CCDC102B: variants seen among roughly 807,000 people sequenced by gnomAD.
CCDC102B encodes the protein coiled-coil domain-containing protein 102B.
In CCDC102B, 75 loss-of-function variants were observed where a neutral mutation model predicts 57.4. The ratio of observed to expected loss-of-function variants is 1.31; its 90% CI spans 1.08 to 1.58. CCDC102B has a LOEUF of 1.58. Among genes scored for constraint, CCDC102B ranks in the 40% most tolerant of loss-of-function variants. The pLI, the probability that CCDC102B is intolerant of heterozygous loss-of-function variation, is 0.00. For synonymous variants in CCDC102B, 206 were observed against 201.9 expected (o/e 1.02, Z -0.17); for missense variants, 636 against 582.6 (o/e 1.09, Z -0.94).
intron 2 of CCDC102B, among the ~76,000 whole-genome samples, chr18:68,763,566 C>T (rs1167338217): frequency 1.3e-5 from 2 of 151,956 alleles, no homozygotes; most frequent in African/African-American, 4.8e-5. Flanking sequence ...CTGTGATATG[C>T]CAATGCAGAG....
At chr18:68,929,255 T>C (rs1451669161) in intron 6 of CCDC102B, among the ~76,000 whole-genome samples, 2 of 151,972 alleles carry the variant, frequency 1.3e-5, no homozygotes, top group South Asian at 2.1e-4. Context: ...AGCAGGGGTG[T>C]TGAAGTCAGT....
At chr18:68,741,977 G>A (rs959505698) in intron 2 of CCDC102B, among the ~76,000 whole-genome samples, 1 of 152,138 alleles carries the variant, frequency 6.6e-6, no homozygotes, top group Non-Finnish European at 1.5e-5. Context: ...AGACGTGAGG[G>A]TTCAAACCTG....
chr18:68,888,093 A>G (rs1186282096), intron 5 of CCDC102B, among the ~76,000 whole-genome samples: 2 of 152,222 alleles, frequency 1.3e-5, no homozygotes. Context: ...ACCTTAAAAG[A>G]TAAAAGATAG....
intron 2 of CCDC102B, among the ~76,000 whole-genome samples, chr18:68,768,554 G>C (rs1419857258): frequency 6.6e-6 from 1 of 152,000 alleles, no homozygotes; most frequent in Admixed American, 6.6e-5. Context: ...AAATTATTTA[G>C]CATGTAACTA....
intron 1 of CCDC102B, among the ~76,000 whole-genome samples, chr18:68,815,511 T>G (rs2036438221): frequency 6.6e-6 from 1 of 152,192 alleles, no homozygotes; most frequent in South Asian, 2.1e-4. Context: ...GCTTATAGAC[T>G]GGCATGGAAA....
chr18:68,849,650 A>G (rs558246362), intron 4 of CCDC102B, among the ~76,000 whole-genome samples: 55 of 152,234 alleles, frequency 3.6e-4, no homozygotes, highest in African/African-American at 1.3e-3. Context: ...TCTGTTACTC[A>G]GTGGATAGCT....
At chr18:68,848,800 A>C (rs1457021658) in intron 4 of CCDC102B, among the ~76,000 whole-genome samples, 1 of 152,068 alleles carries the variant, frequency 6.6e-6, no homozygotes, top group Non-Finnish European at 1.5e-5. Context: ...TTGATTACTC[A>C]TAATTCTGGC....
chr18:68,896,619 T>G (rs2040250611), intron 5 of CCDC102B, among the ~76,000 whole-genome samples: 1 of 152,042 alleles, frequency 6.6e-6, no homozygotes, highest in Non-Finnish European at 1.5e-5. Flanking sequence ...ATTTGTGGTA[T>G]AGTTTGAATT....
intron 6 of CCDC102B, among the ~76,000 whole-genome samples, chr18:68,964,564 G>T (rs765936357): frequency 6.6e-6 from 1 of 151,692 alleles, no homozygotes; most frequent in Non-Finnish European, 1.5e-5. Flanking sequence ...AATTAATATA[G>T]CTAACTCAAG....
At chr18:68,731,540 A>G (rs2032862792) in intron 2 of CCDC102B, among the ~76,000 whole-genome samples, 1 of 152,030 alleles carries the variant, frequency 6.6e-6, no homozygotes, top group South Asian at 2.1e-4. Context: ...CTACATTTGC[A>G]TATTAGGTTG....
At chr18:68,960,883 G>A (rs772402326) in intron 6 of CCDC102B, among the ~76,000 whole-genome samples, 1 of 152,146 alleles carries the variant, frequency 6.6e-6, no homozygotes, top group Non-Finnish European at 1.5e-5. Context: ...GGAAGGTGGT[G>A]TTAGCAATTC....
chr18:68,740,298 T>G (rs2033326479), intron 2 of CCDC102B, among the ~76,000 whole-genome samples: 1 of 152,212 alleles, frequency 6.6e-6, no homozygotes, highest in Non-Finnish European at 1.5e-5. Flanking sequence ...AATGAATGTT[T>G]GCTGTCATTT....
intron 6 of CCDC102B, among the ~76,000 whole-genome samples, chr18:68,905,051 C>T (rs572783907): frequency 1.3e-5 from 2 of 151,604 alleles, no homozygotes; most frequent in East Asian, 2.0e-4. Flanking sequence ...TTGTTTTCAA[C>T]TCTTATACTT....
chr18:68,765,324 G>A (rs8097408), intron 2 of CCDC102B, among the ~76,000 whole-genome samples: 14,810 of 59,292 alleles, frequency 0.25, 1,612 homozygotes, highest in African/African-American at 0.37. Context: ...AAGGAAGGAA[G>A]GAAAGAAAGA....
At position 69,054,569 on chromosome 18, in the gene CCDC102B, T is replaced by C. The variant is rs953927451; in HGVS notation, c.*432T>C. 2 of 987,670 alleles carry C rather than the reference T, an allele frequency of 2.0e-6. No homozygotes were observed. The highest frequency in any genetic ancestry group is 4.7e-5 in the South Asian group (1 of 21,478). 61.2% of individuals were successfully genotyped at this position (987,670 alleles called of 1,614,324 possible). On this transcript the variant is annotated 3_prime_UTR_variant, in exon 8 of 8. Coordinates refer to ENST00000360242, the MANE Select transcript of CCDC102B (RefSeq NM_024781.3). Reference sequence around the variant, plus strand: ...AACTTTTATGTACGTGTTGTCTATGTGGTGGGGATGGCAGGTTGTATTAAC... The same window carrying C: ...AACTTTTATGTACGTGTTGTCTATGCGGTGGGGATGGCAGGTTGTATTAAC...
intron 1 of CCDC102B, among the ~76,000 whole-genome samples, chr18:68,808,757 C>T (rs1185157166): frequency 2.6e-5 from 4 of 152,112 alleles, no homozygotes; most frequent in Admixed American, 1.3e-4. Context: ...GGATTACAGG[C>T]GTGAGCCACA....
chr18:69,011,265 CACAG>C (rs1442888139), intron 7 of CCDC102B, 161 bp downstream of exon 7: 6 of 683,494 alleles, frequency 8.8e-6, no homozygotes, highest in East Asian at 5.5e-5. Flanking sequence ...AATAAGATTA[CACAG>C]ACAATGTGCA....
At chr18:68,929,319 A>T (rs1414384318) in intron 6 of CCDC102B, among the ~76,000 whole-genome samples, 1 of 151,874 alleles carries the variant, frequency 6.6e-6, no homozygotes, top group Non-Finnish European at 1.5e-5. Flanking sequence ...CTCAATTTTG[A>T]TGAAAGGGAT....
chr18:68,933,426 A>G (rs1304644744), intron 6 of CCDC102B, among the ~76,000 whole-genome samples: 2 of 151,914 alleles, frequency 1.3e-5, no homozygotes, highest in African/African-American at 4.8e-5. Flanking sequence ...TAAATGTAAT[A>G]ATGGTTCTTT....
Sources: allele counts gnomAD v4.1 joint callset (sites outside exome capture counted in the v4.1 genomes callset), GRCh38; gene constraint gnomAD v4.1.1; transcripts MANE v1.5; gene names NCBI Gene and HGNC (gene_info 2026-07-23, HGNC 2026-07-21).